The following CYP7B1 variants were observed in gnomAD, a reference collection of about 807,000 sequenced individuals.
CYP7B1 encodes cytochrome P450 7B1.
In CYP7B1, 29 loss-of-function variants were observed where a neutral mutation model predicts 42.7. The observed-to-expected ratio is 0.68, with a 90% CI of 0.51 to 0.93. The LOEUF is 0.93. Among genes scored for constraint, CYP7B1 ranks in the 40% least tolerant of loss-of-function variants. The pLI, the probability that CYP7B1 is intolerant of heterozygous loss-of-function variation, is 0.00. For missense variants in CYP7B1, 655 were observed against 600.5 expected (o/e 1.09, Z -0.95); for synonymous variants, 235 against 218.2 (o/e 1.08, Z -0.68).
chr8:64,643,162 C>T (rs57746026), intron 1 of CYP7B1, among the ~76,000 whole-genome samples: 1,942 of 29,182 alleles, frequency 0.067, 44 homozygotes, highest in African/African-American at 0.12. Flanking sequence ...TACATATATA[C>T]ACATATATAC....
intron 1 of CYP7B1, among the ~76,000 whole-genome samples, chr8:64,752,321 T>C (rs1205422872): frequency 6.6e-6 from 1 of 152,172 alleles, no homozygotes; most frequent in Non-Finnish European, 1.5e-5. Context: ...CTACATATTT[T>C]GGAATATATT....
At chr8:64,630,993 G>T (rs1446950712) in intron 1 of CYP7B1, among the ~76,000 whole-genome samples, 1 of 152,318 alleles carries the variant, frequency 6.6e-6, no homozygotes, top group Non-Finnish European at 1.5e-5. Flanking sequence ...TTCAGGCCCA[G>T]ATAGTCTCAT....
At chr8:64,607,046 C>T (rs1159331425) in intron 4 of CYP7B1, among the ~76,000 whole-genome samples, 1 of 152,212 alleles carries the variant, frequency 6.6e-6, no homozygotes, top group African/African-American at 2.4e-5. Context: ...GACTTCCATG[C>T]TGCACCAGGA....
At chr8:64,588,622 C>T (rs149726960), downstream of CYP7B1, among the ~76,000 whole-genome samples, 156 of 152,336 alleles carry the variant, frequency 1.0e-3, 1 homozygote, top group East Asian at 0.026. Context: ...CATATCCTTA[C>T]CCACTTTTTG....
chr8:64,700,475 A>G (rs899625585), intron 1 of CYP7B1, among the ~76,000 whole-genome samples: 4 of 152,114 alleles, frequency 2.6e-5, no homozygotes, highest in African/African-American at 9.7e-5. Context: ...CATTGTGTCA[A>G]ACTATGTATG....
chr8:64,705,238 G>A (rs966764133), intron 1 of CYP7B1, among the ~76,000 whole-genome samples: 17 of 151,272 alleles, frequency 1.1e-4, no homozygotes, highest in East Asian at 3.9e-4. Flanking sequence ...GTGGGGGGGG[G>A]AATCACCACC....
At chr8:64,712,820 T>C (rs575912887) in intron 1 of CYP7B1, among the ~76,000 whole-genome samples, 27 of 151,776 alleles carry the variant, frequency 1.8e-4, no homozygotes, top group Non-Finnish European at 2.8e-4. Flanking sequence ...TTTGTATAAT[T>C]AATTTTCTTA....
chr8:64,637,269 G>A (rs1805787357), intron 1 of CYP7B1, among the ~76,000 whole-genome samples: 2 of 152,170 alleles, frequency 1.3e-5, no homozygotes, highest in South Asian at 4.1e-4. Context: ...TTACTGAAGT[G>A]GGAAGATAAT....
chr8:64,619,887 T>C lies in CYP7B1; in HGVS notation c.260-3606A>G, dbSNP rs536150762. Among the ~76,000 whole-genome samples, 37 of 152,218 alleles carry C rather than the reference T, an allele frequency of 2.4e-4. 1 individual carries two copies. In the South Asian group the frequency reaches 7.3e-3, roughly 30 times the overall value. ...TGCTATACAAAGATATAGATATATATACATATATCCATGAGAATTGGCTGC... is the reference window on the plus strand; with the variant it reads ...TGCTATACAAAGATATAGATATATACACATATATCCATGAGAATTGGCTGC... On this transcript the variant is annotated intron_variant, in intron 2 of 5. Transcript: ENST00000310193.
intron 1 of CYP7B1, among the ~76,000 whole-genome samples, chr8:64,737,453 C>T (rs1207405970): frequency 6.6e-6 from 1 of 152,210 alleles, no homozygotes. Flanking sequence ...TAGCTCAAAT[C>T]CAGTACTCTC....
intron 4 of CYP7B1, among the ~76,000 whole-genome samples, chr8:64,614,527 C>T (rs988565435): frequency 2.0e-5 from 3 of 151,862 alleles, no homozygotes; most frequent in East Asian, 1.9e-4. Flanking sequence ...GTTTAAATCA[C>T]GAACTTCCAA....
rs1198875201 is a variant in CYP7B1, at chr8:64,615,913, T to A, written c.628A>T (p.Ser210Cys). Residue 210 changes from serine to cysteine, a missense_variant, in exon 3 of 6, where the codon AGT becomes TGT. Coordinates refer to ENST00000310193, the MANE Select transcript of CYP7B1 (RefSeq NM_004820.5). ...VIVCDNNKFI[S>C]ELRDDFLKFD... ...TTTAAAAAATCATCTCTTAGCTCAC[T>A]AATAAATTTGTTGTTGTCACAAACA... 12 of 1,613,498 alleles carry A rather than the reference T, an allele frequency of 7.4e-6. No individual in the cohort carries two copies.
At chr8:64,786,677 T>C (rs987044394) in intron 1 of CYP7B1, among the ~76,000 whole-genome samples, 11 of 152,216 alleles carry the variant, frequency 7.2e-5, no homozygotes, top group Non-Finnish European at 1.2e-4. Context: ...TTATGGGGTC[T>C]GGAGGATGGT....
intron 1 of CYP7B1, among the ~76,000 whole-genome samples, chr8:64,698,988 A>G (rs1257466310): frequency 6.6e-6 from 1 of 152,168 alleles, no homozygotes; most frequent in Non-Finnish European, 1.5e-5. Flanking sequence ...TTCTGACAGA[A>G]TTTTAAATTT....
At chr8:64,731,041 T>C (rs1171318610) in intron 1 of CYP7B1, among the ~76,000 whole-genome samples, 2 of 152,188 alleles carry the variant, frequency 1.3e-5, no homozygotes, top group Non-Finnish European at 2.9e-5. Context: ...CCTTCTGCCA[T>C]CACAGTGTTT....
chr8:64,782,259 G>A (rs1235859114), intron 1 of CYP7B1, among the ~76,000 whole-genome samples: 42 of 152,180 alleles, frequency 2.8e-4, no homozygotes, highest in Non-Finnish European at 1.6e-4. Flanking sequence ...AGATTCATAT[G>A]TTGAAACCTA....
At chr8:64,662,149 T>C (rs929669110) in intron 1 of CYP7B1, among the ~76,000 whole-genome samples, 5 of 151,866 alleles carry the variant, frequency 3.3e-5, no homozygotes, top group African/African-American at 1.2e-4. Flanking sequence ...CTGGACAACA[T>C]AGCAAGACCT....
intron 1 of CYP7B1, among the ~76,000 whole-genome samples, chr8:64,758,684 A>G (rs1323721776): frequency 6.6e-6 from 1 of 152,214 alleles, no homozygotes; most frequent in African/African-American, 2.4e-5. Context: ...AACTCACTGC[A>G]TAAACTGGGC....
At position 64,596,603 on chromosome 8, in the gene CYP7B1, G is replaced by A. The variant is rs1270159435; in HGVS notation, c.*39C>T. The A allele has an allele frequency of 3.2e-6, 5 of 1,558,764 alleles. No individual in the cohort carries two copies. Among genetic ancestry groups the A allele is most frequent in the Middle Eastern group, 2.0e-4 (1 of 4,884 alleles). On this transcript the variant is annotated 3_prime_UTR_variant, in exon 6 of 6. Coordinates refer to ENST00000310193, the MANE Select transcript of CYP7B1 (RefSeq NM_004820.5). ...AATAGATGAGCTTAGGATGTTTAGG[G>A]TAATTTTGATAGATTTATTTTCTTT...
Sources: gnomAD v4.1 joint callset for allele counts (sites outside exome capture counted in the v4.1 genomes callset) on GRCh38, gnomAD v4.1.1 for gene constraint, MANE v1.5 for transcripts, NCBI Gene and HGNC (gene_info 2026-07-23, HGNC 2026-07-21) for gene names.